TMCC1: variants seen among roughly 807,000 people sequenced by gnomAD.
The protein encoded by TMCC1 is transmembrane and coiled-coil domains protein 1.
In TMCC1, 15 loss-of-function variants were observed where a neutral mutation model predicts 52.4. The observed-to-expected ratio is 0.29, with a 90% CI of 0.19 to 0.44. The LOEUF (loss-of-function observed/expected upper bound fraction) is 0.44, where lower values mean the gene tolerates loss of function less well. Ranked by LOEUF, TMCC1 falls within the 20% of genes least tolerant of loss-of-function variation. The pLI is 1.00. For synonymous variants in TMCC1, 279 were observed against 301.9 expected (o/e 0.92, Z 0.79); for missense variants, 503 against 806.0 (o/e 0.62, Z 4.55).
At chr3:129,823,765 CAA>C (rs1339546295) in intron 4 of TMCC1, among the ~76,000 whole-genome samples, 2 of 152,164 alleles carry the variant, frequency 1.3e-5, no homozygotes, top group African/African-American at 4.8e-5. Flanking sequence ...CTGGATAAAC[CAA>C]AGAGTAGTGG....
chr3:129,687,167 A>C (rs1316201800), intron 4 of TMCC1, among the ~76,000 whole-genome samples: 1 of 152,186 alleles, frequency 6.6e-6, no homozygotes, highest in Non-Finnish European at 1.5e-5. Flanking sequence ...GAGTCAGCAA[A>C]AAGTCAGGTG....
intron 4 of TMCC1, among the ~76,000 whole-genome samples, chr3:129,796,678 T>A (rs2107761974): frequency 6.6e-6 from 1 of 152,092 alleles, no homozygotes; most frequent in South Asian, 2.1e-4. Context: ...ATAAGAAAAT[T>A]AGCTAGGTTT....
At chr3:129,732,020 T>TA (rs1257900318) in intron 4 of TMCC1, among the ~76,000 whole-genome samples, 2 of 152,232 alleles carry the variant, frequency 1.3e-5, no homozygotes, top group Non-Finnish European at 2.9e-5. Flanking sequence ...ATTTCATGTG[T>TA]GGCAAATTCA....
chr3:129,733,950 T>A (rs2050738488), intron 4 of TMCC1, among the ~76,000 whole-genome samples: 2 of 152,200 alleles, frequency 1.3e-5, no homozygotes, highest in African/African-American at 4.8e-5. Context: ...TTTCACACAC[T>A]ACTGATAGGA....
chr3:129,752,576 G>A (rs2052625416), intron 4 of TMCC1, among the ~76,000 whole-genome samples: 1 of 152,072 alleles, frequency 6.6e-6, no homozygotes, highest in Admixed American at 6.6e-5. Context: ...TGAGGCAGAA[G>A]AATCGCTTGA....
intron 4 of TMCC1, among the ~76,000 whole-genome samples, chr3:129,796,649 G>A (rs1456536405): frequency 1.3e-5 from 2 of 152,080 alleles, no homozygotes; most frequent in Non-Finnish European, 2.9e-5. Context: ...GCTAGACCCT[G>A]TCTCTACAAA....
At position 129,862,140 on chromosome 3, in the gene TMCC1, T is replaced by C. The variant is rs909188633; in HGVS notation, c.-184+18169A>G. Among the ~76,000 whole-genome samples the C allele has an allele frequency of 2.2e-4, 33 of 152,348 alleles. 1 individual carries two copies. The highest frequency in any genetic ancestry group is 3.1e-4 in the Non-Finnish European group (21 of 68,038). On this transcript the variant is annotated intron_variant, in intron 2 of 6. Transcript: ENST00000393238. ...CACATATGGTATAATTCCATTTATA[T>C]GAAGCATCCAGAATAGGCAAATCCT...
chr3:129,814,164 G>A (rs1268167474), intron 4 of TMCC1, among the ~76,000 whole-genome samples: 2 of 152,006 alleles, frequency 1.3e-5, no homozygotes, highest in East Asian at 3.9e-4. Flanking sequence ...CTGAGCGTAA[G>A]GTTTAGATAA....
intron 4 of TMCC1, among the ~76,000 whole-genome samples, chr3:129,696,066 G>T (rs1303992733): frequency 2.0e-5 from 3 of 152,174 alleles, no homozygotes; most frequent in Non-Finnish European, 2.9e-5. Context: ...CATCTGTAAA[G>T]AATCTCTATT....
intron 4 of TMCC1, among the ~76,000 whole-genome samples, chr3:129,773,988 C>T (rs930892119): frequency 3.3e-5 from 5 of 152,068 alleles, no homozygotes; most frequent in African/African-American, 1.2e-4. Context: ...ACCTTAAAGA[C>T]AAATGAAATA....
At chr3:129,680,095 T>C (rs1057482844) in intron 4 of TMCC1, among the ~76,000 whole-genome samples, 2 of 152,226 alleles carry the variant, frequency 1.3e-5, no homozygotes, top group Non-Finnish European at 2.9e-5. Flanking sequence ...AGTTCATTTA[T>C]ACTCTTGCAT....
chr3:129,817,071 A>G (rs185827685), intron 4 of TMCC1, among the ~76,000 whole-genome samples: 1 of 152,120 alleles, frequency 6.6e-6, no homozygotes, highest in East Asian at 1.9e-4. Flanking sequence ...AAGGTGATAG[A>G]TATCCCAGTT....
chr3:129,735,647 T>TAAA (rs55678236), intron 4 of TMCC1, among the ~76,000 whole-genome samples: 30,343 of 134,244 alleles, frequency 0.23, 5,545 homozygotes, highest in East Asian at 0.55. Context: ...AAGACTCTCT[T>TAAA]AAAAAAAAAA....
intron 2 of TMCC1, among the ~76,000 whole-genome samples, chr3:129,838,675 C>G (rs1451316485): frequency 7.3e-6 from 1 of 136,870 alleles, no homozygotes; most frequent in South Asian, 2.3e-4. Context: ...ATCACTTGAA[C>G]CTGGGAGGTG....
Position 129,671,068 on chromosome 3 carries a change from T to C in TMCC1, c.773A>G (p.Asn258Ser), listed in dbSNP as rs1254668656. 1 of 1,614,210 alleles carries C rather than the reference T, an allele frequency of 6.2e-7. No homozygotes were observed. The highest frequency in any genetic ancestry group is 1.1e-5 in the South Asian group (1 of 91,086). The change falls in exon 5 of 7, where the codon AAC (asparagine) becomes AGC (serine). Residue 258 changes from asparagine (N) to serine (S), a missense_variant. By Grantham distance (46) the Asn-to-Ser change is conservative. Coordinates refer to ENST00000393238, the MANE Select transcript of TMCC1 (RefSeq NM_001017395.5). ...IKIAQTARDD[N>S]VAEYLKLANS... ...GGCAAGCTTCAAGTATTCAGCAACG[T>C]TGTCGTCCCGGGCTGTTTGTGCAAT...
At chr3:129,737,017 T>C (rs889429696) in intron 4 of TMCC1, among the ~76,000 whole-genome samples, 4 of 152,196 alleles carry the variant, frequency 2.6e-5, no homozygotes, top group African/African-American at 9.7e-5. Context: ...GTAAATTACA[T>C]ATGATCCTCC....
At chr3:129,725,536 G>C (rs1226837596) in intron 4 of TMCC1, among the ~76,000 whole-genome samples, 1 of 151,864 alleles carries the variant, frequency 6.6e-6, no homozygotes, top group African/African-American at 2.4e-5. Flanking sequence ...TATAGAAATA[G>C]AAAAAAGAAA....
chr3:129,881,930 T>C (rs1226136234), intron 1 of TMCC1, among the ~76,000 whole-genome samples: 1 of 152,204 alleles, frequency 6.6e-6, no homozygotes, highest in Non-Finnish European at 1.5e-5. Flanking sequence ...GTGTGACTAT[T>C]TGGAGAAATA....
chr3:129,724,203 G>C (rs909260590), intron 4 of TMCC1, among the ~76,000 whole-genome samples: 6 of 152,082 alleles, frequency 3.9e-5, no homozygotes, highest in Non-Finnish European at 8.8e-5. Context: ...AGAAAGTAAT[G>C]GCAATTCCAA....
Sources: gnomAD v4.1 joint callset for allele counts (sites outside exome capture counted in the v4.1 genomes callset) on GRCh38, gnomAD v4.1.1 for gene constraint, MANE v1.5 for transcripts, NCBI Gene and HGNC (gene_info 2026-07-23, HGNC 2026-07-21) for gene names.